Variants in ZFP1 observed in about 807,000 individuals in gnomAD.
ZFP1 encodes the protein zinc finger protein 1 homolog.
In ZFP1, 32 loss-of-function variants were observed where a neutral mutation model predicts 38.5. The ratio of observed to expected loss-of-function variants is 0.83; its 90% CI spans 0.63 to 1.12. The LOEUF (loss-of-function observed/expected upper bound fraction) is 1.12, where lower values mean the gene tolerates loss of function less well. Ranked by LOEUF, ZFP1 falls within the 50% of genes most tolerant of loss-of-function variation. ZFP1 has a pLI of 0.00. For missense variants in ZFP1, 616 were observed against 480.8 expected (o/e 1.28, Z -2.63); for synonymous variants, 245 against 168.8 (o/e 1.45, Z -3.50).
chr16:75,157,537 C>T (rs1166497148), intron 2 of ZFP1, among the ~76,000 whole-genome samples: 2 of 152,066 alleles, frequency 1.3e-5, no homozygotes, highest in African/African-American at 2.4e-5. Flanking sequence ...AGCCACTGCA[C>T]CTGGCCTTCA....
At chr16:75,164,236 A>G (rs1412494597) in intron 2 of ZFP1, among the ~76,000 whole-genome samples, 4 of 151,458 alleles carry the variant, frequency 2.6e-5, no homozygotes, top group Non-Finnish European at 5.9e-5. Flanking sequence ...TAAACCCTGA[A>G]GGTCTTAGTC....
At chr16:75,156,188 T>A (rs1597048827) in intron 2 of ZFP1, among the ~76,000 whole-genome samples, 1 of 152,128 alleles carries the variant, frequency 6.6e-6, no homozygotes, top group Non-Finnish European at 1.5e-5. Context: ...GTGTGGTGGG[T>A]CACGCCGGTA....
chr16:75,169,775 C>T lies in ZFP1; in HGVS notation c.665C>T (p.Ser222Phe), dbSNP rs780775952. Reference protein sequence around the residue: ...YECNVCKKTFSHKANLIKHQR... With the variant: ...YECNVCKKTFFHKANLIKHQR... ...TGCAATGTATGTAAGAAAACCTTCT[C>T]CCATAAGGCCAACCTCATCAAACAT... is the stretch of plus-strand genomic sequence containing the variant. The change falls in exon 4 of 4, where the codon TCC (serine) becomes TTC (phenylalanine). Residue 222 changes from serine to phenylalanine, a missense_variant. Coordinates refer to ENST00000570010, the MANE Select transcript of ZFP1 (RefSeq NM_153688.4). The T allele has an allele frequency of 6.2e-7, 1 of 1,613,750 alleles. No homozygotes were observed.
chr16:75,132,653 T>TTC, the ZFP1 span: 1 of 28,130 alleles, frequency 3.6e-5, no homozygotes, highest in Non-Finnish European at 8.9e-5. Flanking sequence ...ATTTCATTTC[T>TTC]TTTTTTTTTT....
chr16:75,152,383 T>C (rs1225748223), intron 1 of ZFP1, among the ~76,000 whole-genome samples: 1 of 152,190 alleles, frequency 6.6e-6, no homozygotes, highest in Non-Finnish European at 1.5e-5. Context: ...TCCTTTTATG[T>C]TTTTCTTCCA....
rs2038339451 is a variant in ZFP1 at position 75,170,064 on chromosome 16, C to T, written c.954C>T (p.His318=). 2 of 1,614,000 alleles carry T rather than the reference C, an allele frequency of 1.2e-6. No individual in the cohort carries two copies. Among genetic ancestry groups the T allele is most frequent in the Admixed American group, 1.7e-5 (1 of 60,006 alleles). Residue 318 remains histidine, a synonymous_variant, in exon 4 of 4, where the codon CAC becomes CAT. Coordinates refer to ENST00000570010, the MANE Select transcript of ZFP1 (RefSeq NM_153688.4). ...ACCTTATCATACATCAGAAGATTCA[C>T]ACGGGGGAGAAACGCTATGAGTGCA... ...KSNLIIHQKI[H]TGEKRYECSE... is the part of the protein sequence containing the mutation.
intron 3 of ZFP1, among the ~76,000 whole-genome samples, chr16:75,167,594 G>A (rs962605130): frequency 1.3e-5 from 2 of 152,066 alleles, no homozygotes; most frequent in Admixed American, 6.6e-5. Context: ...GTGGGCATGT[G>A]TCTTTTTGGT....
rs751913534 is a variant in ZFP1, at chr16:75,170,244, A to T, written c.1134A>T (p.Lys378Asn). The T allele has an allele frequency of 1.9e-6, 3 of 1,614,066 alleles. No homozygotes were observed. Among genetic ancestry groups the T allele is most frequent in the Non-Finnish European group, 2.5e-6 (3 of 1,179,996 alleles). ...RLHLRIHTGE[K>N]PYECSECGKA... The stretch of plus-strand genomic sequence containing the variant: ...ACTTGCGAATCCACACAGGAGAGAA[A>T]CCATATGAGTGTTCCGAATGTGGGA... The change falls in exon 4 of 4, where the codon AAA becomes AAT. Residue 378 changes from lysine to asparagine, a missense_variant. Coordinates refer to ENST00000570010, the MANE Select transcript of ZFP1 (RefSeq NM_153688.4).
the ZFP1 span, among the ~76,000 whole-genome samples, chr16:75,143,486 T>C: frequency 1.3e-5 from 2 of 152,172 alleles, 1 homozygote; most frequent in South Asian, 4.1e-4. Context: ...CCTCAGATGA[T>C]CTGCCCGCCT....
intron 1 of ZFP1, among the ~76,000 whole-genome samples, chr16:75,152,664 G>A (rs1164089498): frequency 6.6e-6 from 1 of 152,204 alleles, no homozygotes; most frequent in East Asian, 1.9e-4. Context: ...GGGTTCTGTT[G>A]ATTGTTTTGC....
intron 2 of ZFP1, chr16:75,157,244 C>CTT (rs34937264): frequency 0.023 from 2,541 of 112,692 alleles, 154 homozygotes; most frequent in African/African-American, 0.039. Context: ...CTGAAAATGT[C>CTT]TTTTTTTTTT....
the ZFP1 span, among the ~76,000 whole-genome samples, chr16:75,120,925 T>C: frequency 6.3e-4 from 96 of 152,160 alleles, no homozygotes; most frequent in Middle Eastern, 6.8e-3. Context: ...GCACCCAGCC[T>C]ACCCTTGGGT....
chr16:75,169,981 A>G lies in ZFP1; in HGVS notation c.871A>G (p.Thr291Ala). 2.5e-6 allele frequency: 4 copies of G among 1,614,224 alleles called. No individual in the cohort carries two copies. Among genetic ancestry groups the G allele is most frequent in the Non-Finnish European group, 3.4e-6 (4 of 1,180,040 alleles). The change falls in exon 4 of 4, where the codon ACA becomes GCA. Residue 291 changes from threonine (T) to alanine (A), a missense_variant. Thr to Ala is a moderately conservative substitution (Grantham distance 58, BLOSUM62 0). Coordinates refer to ENST00000570010, the MANE Select transcript of ZFP1 (RefSeq NM_153688.4). The stretch of plus-strand genomic sequence containing the variant: ...ACTCACCACACACCAGAGAATTCAT[A>G]CAGGAGAGCGACCCTATGAGTGTAA... The part of the protein sequence containing the change: ...FELTTHQRIH[T>A]GERPYECNEC...
chr16:75,148,061 A>G (rs530534396), upstream of ZFP1, among the ~76,000 whole-genome samples: 306 of 152,316 alleles, frequency 2.0e-3, 1 homozygote, highest in African/African-American at 7.2e-3. Flanking sequence ...GGCCTGGGAA[A>G]AAAGGGAAAA....
upstream of ZFP1, among the ~76,000 whole-genome samples, chr16:75,146,157 T>A (rs1212759005): frequency 1.3e-5 from 2 of 148,390 alleles, no homozygotes; most frequent in African/African-American, 5.0e-5. Flanking sequence ...CCAGCAACCA[T>A]GCTAATTTTT....
rs2038408843 is a variant in ZFP1 at position 75,171,189 on chromosome 16, A to G, written c.*855A>G. 6.6e-6 allele frequency: 1 copy of G among 152,176 alleles called. No individual in the cohort carries two copies. Among genetic ancestry groups the G allele is most frequent in the Middle Eastern group, 3.2e-3 (1 of 316 alleles). 9.4% of individuals were successfully genotyped at this position (152,176 alleles called of 1,614,324 possible). On this transcript the variant is annotated 3_prime_UTR_variant, in exon 4 of 4. Transcript: ENST00000570010. ...ACAAATGCATGTCTGTTACCAAAAT[A>G]TTGTGTAACACAGACAGAAACCACC...
intron 2 of ZFP1, among the ~76,000 whole-genome samples, chr16:75,164,389 A>G (rs962218768): frequency 1.3e-5 from 2 of 152,226 alleles, no homozygotes; most frequent in African/African-American, 4.8e-5. Flanking sequence ...TTTTTCTTCC[A>G]AACATGGTAC....
chr16:75,135,470 A>G, the ZFP1 span, among the ~76,000 whole-genome samples: 1 of 152,210 alleles, frequency 6.6e-6, no homozygotes, highest in Non-Finnish European at 1.5e-5. Context: ...GACAGTAAAA[A>G]GATTAGTGAT....
At chr16:75,146,626 T>G (rs990221182), upstream of ZFP1, among the ~76,000 whole-genome samples, 1 of 152,134 alleles carries the variant, frequency 6.6e-6, no homozygotes, top group African/African-American at 2.4e-5. Context: ...ATGCAGACAG[T>G]AGAATATTAT....
Sources: gnomAD v4.1 joint callset for allele counts (sites outside exome capture counted in the v4.1 genomes callset) on GRCh38, gnomAD v4.1.1 for gene constraint, MANE v1.5 for transcripts, NCBI Gene and HGNC (gene_info 2026-07-23, HGNC 2026-07-21) for gene names.